PLA2G4A: variants seen among roughly 807,000 people sequenced by gnomAD.
PLA2G4A encodes phospholipase A2 group IVA.
PLA2G4A carries 40 observed loss-of-function variants against 81.9 expected under a neutral mutation model. The observed-to-expected ratio is 0.49, with a 90% CI of 0.38 to 0.64. The LOEUF is 0.64. Ranked by LOEUF, PLA2G4A falls within the 30% of genes least tolerant of loss-of-function variation. PLA2G4A has a pLI of 0.00. For synonymous variants in PLA2G4A, 302 were observed against 296.9 expected (o/e 1.02, Z -0.18); for missense variants, 715 against 905.1 (o/e 0.79, Z 2.69).
At chr1:186,903,869 C>CCCG (rs1654637244) in intron 5 of PLA2G4A, among the ~76,000 whole-genome samples, 1 of 152,096 alleles carries the variant, frequency 6.6e-6, no homozygotes, top group African/African-American at 2.4e-5. Context: ...CTGCTCCTAC[C>CCCG]CCGCCACCCT....
At chr1:186,969,240 C>G (rs1657255921) in intron 15 of PLA2G4A, among the ~76,000 whole-genome samples, 2 of 147,004 alleles carry the variant, frequency 1.4e-5, no homozygotes, top group East Asian at 2.0e-4. Flanking sequence ...TGTATTTTCT[C>G]TTTTTCATAT....
intron 1 of PLA2G4A, among the ~76,000 whole-genome samples, chr1:186,830,961 T>G (rs61544849): frequency 0.13 from 4,954 of 37,438 alleles, 115 homozygotes; most frequent in African/African-American, 0.23. Context: ...TTGCTTGCTT[T>G]CTTTCTTTCT....
At chr1:186,842,517 C>T (rs1487148915) in intron 1 of PLA2G4A, among the ~76,000 whole-genome samples, 1 of 152,142 alleles carries the variant, frequency 6.6e-6, no homozygotes, top group African/African-American at 2.4e-5. Flanking sequence ...ACATTGGAAC[C>T]TAAATCCCAG....
chr1:186,962,862 CTTAG>C (rs1657009130), intron 14 of PLA2G4A, among the ~76,000 whole-genome samples: 2 of 152,134 alleles, frequency 1.3e-5, no homozygotes, highest in South Asian at 2.1e-4. Flanking sequence ...TTCAAGCCCT[CTTAG>C]TTAGTCATGC....
chr1:186,844,193 CTG>C (rs1652086853), intron 1 of PLA2G4A, among the ~76,000 whole-genome samples: 1 of 152,150 alleles, frequency 6.6e-6, no homozygotes, highest in Non-Finnish European at 1.5e-5. Context: ...CTGTCGTAAA[CTG>C]AGAGTATGGT....
At chr1:186,854,444 G>T in intron 2 of PLA2G4A, 57 bp downstream of exon 2, 1 of 1,101,652 alleles carries the variant, frequency 9.1e-7, no homozygotes, top group East Asian at 2.4e-5. Context: ...ATGTTTCTGT[G>T]AATATTGCGG....
At chr1:186,929,520 A>G (rs1655664280) in intron 7 of PLA2G4A, among the ~76,000 whole-genome samples, 1 of 152,178 alleles carries the variant, frequency 6.6e-6, no homozygotes. Context: ...ATATTTTTAT[A>G]TATCAATATA....
Position 186,963,782 on chromosome 1 carries a change from C to T in PLA2G4A, c.1580-1627C>T, listed in dbSNP as rs1281078362. 3.3e-5 allele frequency among the ~76,000 whole-genome samples: 5 copies of T among 152,202 alleles called. No individual in the cohort carries two copies. In the South Asian group the frequency reaches 6.2e-4, roughly 19 times the overall value. Reference sequence around the variant, plus strand: ...ACAGATGACTTTGTTAACTGTAGAACGTTGGATATTAATGTTTCTTTAAAG... The same window carrying T: ...ACAGATGACTTTGTTAACTGTAGAATGTTGGATATTAATGTTTCTTTAAAG... On this transcript the variant is annotated intron_variant, in intron 14 of 17. Coordinates refer to ENST00000367466, the MANE Select transcript of PLA2G4A (RefSeq NM_024420.3).
intron 14 of PLA2G4A, among the ~76,000 whole-genome samples, chr1:186,959,121 T>G (rs767788357): frequency 9.2e-5 from 14 of 152,124 alleles, no homozygotes; most frequent in Non-Finnish European, 1.6e-4. Flanking sequence ...GTTCATTCTT[T>G]CATTCACTTA....
chr1:186,960,072 G>A (rs570713177), intron 14 of PLA2G4A, among the ~76,000 whole-genome samples: 39 of 152,220 alleles, frequency 2.6e-4, no homozygotes, highest in African/African-American at 8.4e-4. Flanking sequence ...ACTTAATCTT[G>A]TAGACTGTAT....
chr1:186,940,147 C>A, intron 10 of PLA2G4A, 53 bp downstream of exon 10: 1 of 977,830 alleles, frequency 1.0e-6, no homozygotes, highest in Non-Finnish European at 1.7e-6. Flanking sequence ...ATTGCAGTTT[C>A]CCATGGTTTT....
At chr1:186,868,000 T>C (rs900509593) in intron 2 of PLA2G4A, among the ~76,000 whole-genome samples, 2 of 151,856 alleles carry the variant, frequency 1.3e-5, no homozygotes, top group African/African-American at 2.4e-5. Context: ...TGGATTAAAT[T>C]AATAGACTGT....
chr1:186,839,174 A>C (rs184801625), intron 1 of PLA2G4A, among the ~76,000 whole-genome samples: 1 of 152,328 alleles, frequency 6.6e-6, no homozygotes, highest in African/African-American at 2.4e-5. Flanking sequence ...CCATGGGTGG[A>C]AGCAGTGAGT....
chr1:186,958,053 T>A (rs1656815376), intron 14 of PLA2G4A, among the ~76,000 whole-genome samples: 1 of 152,196 alleles, frequency 6.6e-6, no homozygotes, highest in Non-Finnish European at 1.5e-5. Context: ...TTGTTGTTGT[T>A]TTGGTATTGT....
In PLA2G4A at chr1:186,911,138, A is replaced by G. The variant is rs1019162513; in HGVS notation, c.417-110A>G. ...CCTTCTTAGGAAATGGCTTGAGGGA[A>G]GCAGTCAGCATATATCAGTGTAGCT... is the stretch of plus-strand genomic sequence containing the variant. On this transcript the variant is annotated intron_variant, in intron 6 of 17. Coordinates refer to ENST00000367466, the MANE Select transcript of PLA2G4A (RefSeq NM_024420.3). The G allele has an allele frequency of 2.4e-6, 2 of 845,146 alleles. 1 individual carries two copies. Among genetic ancestry groups the G allele is most frequent in the Non-Finnish European group, 4.1e-6 (2 of 482,256 alleles). 52.4% of individuals were successfully genotyped at this position (845,146 alleles called of 1,614,324 possible). A position where few individuals can be genotyped will look rare whatever the true frequency, so the allele number is the denominator to read the frequency against.
At chr1:186,893,230 T>G in intron 4 of PLA2G4A, 71 bp downstream of exon 4, 1 of 1,314,410 alleles carries the variant, frequency 7.6e-7, no homozygotes, top group Non-Finnish European at 1.1e-6. Context: ...GTTTGTCCTT[T>G]TACTGCCTTT....
chr1:186,957,504 G>A (rs1040093968), intron 14 of PLA2G4A, among the ~76,000 whole-genome samples: 2 of 152,214 alleles, frequency 1.3e-5, no homozygotes, highest in Admixed American at 6.5e-5. Context: ...TTATGTGACT[G>A]ACTGTTTCTC....
chr1:186,907,134 T>A, intron 6 of PLA2G4A, 132 bp downstream of exon 6: 1 of 618,754 alleles, frequency 1.6e-6, no homozygotes, highest in Admixed American at 2.6e-5. Context: ...TTACTTTGCT[T>A]TTCTTTAGTT....
intron 5 of PLA2G4A, among the ~76,000 whole-genome samples, chr1:186,902,980 T>C (rs1438796966): frequency 6.6e-6 from 1 of 152,210 alleles, no homozygotes; most frequent in Non-Finnish European, 1.5e-5. Flanking sequence ...TGAGTTTGCA[T>C]GTATTGATAG....
Sources: gnomAD v4.1 joint callset for allele counts (sites outside exome capture counted in the v4.1 genomes callset) on GRCh38, gnomAD v4.1.1 for gene constraint, MANE v1.5 for transcripts, NCBI Gene and HGNC (gene_info 2026-07-23, HGNC 2026-07-21) for gene names.